FARP2: variants seen among roughly 807,000 people sequenced by gnomAD.
FARP2 encodes the protein FERM, ARHGEF and pleckstrin domain-containing protein 2.
FARP2 carries 111 observed loss-of-function variants against 130.5 expected under a neutral mutation model. That is an observed-to-expected ratio of 0.85 (90% CI 0.73 to 1.00). The LOEUF is 1.00. Ranked by LOEUF, FARP2 falls within the 50% of genes least tolerant of loss-of-function variation. The probability of loss-of-function intolerance (pLI) is 0.00; values close to 1 mark genes in which losing one functional copy is unlikely to be tolerated. For synonymous variants in FARP2, 504 were observed against 516.9 expected, an observed-to-expected ratio of 0.98 and a Z score of 0.34; for missense variants, 1,385 against 1,346.3, an observed-to-expected ratio of 1.03 and a Z score of -0.45.
At chr2:241,432,282 G>C (rs562784137) in intron 9 of FARP2, 1 of 152,664 alleles carries the variant, frequency 6.6e-6, no homozygotes, top group East Asian at 1.9e-4. Context: ...AGTCTGCCTA[G>C]CTGGTCTCAC....
chr2:241,373,348 G>A (rs2061464737), intron 2 of FARP2, 58 bp downstream of exon 2: 2 of 1,209,034 alleles, frequency 1.7e-6, no homozygotes, highest in Non-Finnish European at 1.1e-6. Context: ...GTCAAATTAT[G>A]TACCAAATTC....
At chr2:241,408,835 G>A (rs76824337) in intron 5 of FARP2, among the ~76,000 whole-genome samples, 13,659 of 152,114 alleles carry the variant, frequency 0.09, 629 homozygotes, top group Middle Eastern at 0.15. Context: ...ACACAAAATC[G>A]TAGAATGTCA....
intron 7 of FARP2, among the ~76,000 whole-genome samples, chr2:241,415,779 T>A (rs552778590): frequency 6.6e-6 from 1 of 152,274 alleles, no homozygotes; most frequent in South Asian, 2.1e-4. Context: ...GTGTGGAGAC[T>A]ACAGGCCTGG....
intron 2 of FARP2, among the ~76,000 whole-genome samples, chr2:241,378,429 T>TTTTTTTTTTTTG (rs1575474116): frequency 6.7e-6 from 1 of 149,564 alleles, no homozygotes; most frequent in East Asian, 2.0e-4. Flanking sequence ...TTTTTTTTTT[T>TTTTTTTTTTTTG]GAGTCAGGAT....
At chr2:241,394,464 G>A (rs2061981923) in intron 2 of FARP2, among the ~76,000 whole-genome samples, 4 of 150,302 alleles carry the variant, frequency 2.7e-5, no homozygotes, top group South Asian at 4.2e-4. Context: ...CTTGTAGTGA[G>A]CCGAGATCGC....
intron 18 of FARP2, among the ~76,000 whole-genome samples, chr2:241,472,102 T>C (rs1280500346): frequency 1.7e-5 from 1 of 59,674 alleles, no homozygotes; most frequent in East Asian, 3.7e-4. Flanking sequence ...TTCTGTTCTG[T>C]GGAGACCCTA....
At chr2:241,391,755 T>C (rs1055524185) in intron 2 of FARP2, among the ~76,000 whole-genome samples, 8 of 152,184 alleles carry the variant, frequency 5.3e-5, no homozygotes, top group African/African-American at 1.9e-4. Context: ...CACTGTGGAT[T>C]TGGCTTTTTT....
intron 8 of FARP2, among the ~76,000 whole-genome samples, chr2:241,429,840 C>G (rs1157518327): frequency 2.0e-5 from 3 of 152,292 alleles, no homozygotes; most frequent in Admixed American, 6.5e-5. Flanking sequence ...CCCAGCTGCT[C>G]CAGAGGCTGA....
intron 15 of FARP2, 75 bp downstream of exon 15, chr2:241,462,687 T>C: frequency 1.0e-6 from 1 of 963,750 alleles, no homozygotes; most frequent in Non-Finnish European, 1.6e-6. Context: ...ATATCTCTTT[T>C]TTTTCTTTTT....
At chr2:241,440,194 T>C (rs1020995488) in intron 12 of FARP2, among the ~76,000 whole-genome samples, 5 of 152,234 alleles carry the variant, frequency 3.3e-5, no homozygotes, top group African/African-American at 9.6e-5. Flanking sequence ...TGCATGTGTA[T>C]ATTGCCTGTG....
chr2:241,458,888 C>T (rs1413422942), intron 14 of FARP2, among the ~76,000 whole-genome samples: 1 of 152,224 alleles, frequency 6.6e-6, no homozygotes, highest in Admixed American at 6.5e-5. Context: ...TGGCAAGGCC[C>T]TCTGGGATGG....
chr2:241,460,683 A>C (rs1462438798), intron 14 of FARP2, among the ~76,000 whole-genome samples: 1 of 144,956 alleles, frequency 6.9e-6, no homozygotes, highest in Non-Finnish European at 1.5e-5. Flanking sequence ...TGAAGCTCAA[A>C]AAGAAAAAAT....
At chr2:241,413,445 A>T in intron 7 of FARP2, 24 bp downstream of exon 7, 1 of 1,459,740 alleles carries the variant, frequency 6.9e-7, no homozygotes, top group East Asian at 2.3e-5. Context: ...ATTGTCTGTC[A>T]ACACATTGTC....
intron 2 of FARP2, among the ~76,000 whole-genome samples, chr2:241,385,275 A>G (rs1019001448): frequency 2.6e-5 from 4 of 152,306 alleles, no homozygotes; most frequent in Non-Finnish European, 5.9e-5. Context: ...TTTCCTCAGT[A>G]AAGAAATTGA....
intron 12 of FARP2, among the ~76,000 whole-genome samples, chr2:241,438,642 T>G (rs139160162): frequency 0.089 from 13,476 of 150,774 alleles, 628 homozygotes; most frequent in Middle Eastern, 0.15. Context: ...TTGTTTTTTT[T>G]TTTTTGAGAC....
At chr2:241,426,560 C>T (rs947912372) in intron 8 of FARP2, among the ~76,000 whole-genome samples, 28 of 151,988 alleles carry the variant, frequency 1.8e-4, no homozygotes, top group Admixed American at 6.6e-5. Flanking sequence ...TTCAGAAATA[C>T]GGGTGAATGA....
chr2:241,455,594 C>G (rs986769665), intron 13 of FARP2, among the ~76,000 whole-genome samples: 2 of 150,694 alleles, frequency 1.3e-5, no homozygotes, highest in Admixed American at 6.6e-5. Flanking sequence ...GTTGGCCAGG[C>G]TGGTCTCTAA....
At chr2:241,430,076 T>C (rs1334368811) in intron 8 of FARP2, among the ~76,000 whole-genome samples, 1 of 152,214 alleles carries the variant, frequency 6.6e-6, no homozygotes, top group Non-Finnish European at 1.5e-5. Flanking sequence ...AAGAGTTTTC[T>C]CTCCATTTAT....
rs2062505998 is a variant in FARP2, at chr2:241,411,095, C to G, written c.473C>G (p.Thr158Ser). ...LLEERLTCAD[T>S]TAALLTSHLL... Reference sequence around the variant, plus strand: ...GAAGAGCGTTTGACCTGTGCTGACACCACAGCGGCCCTTCTCACGTCCCAT... The same window carrying G: ...GAAGAGCGTTTGACCTGTGCTGACAGCACAGCGGCCCTTCTCACGTCCCAT... Residue 158 changes from threonine (T) to serine (S), a missense_variant, in exon 6 of 27, where the codon ACC becomes AGC. By Grantham distance (58) the Thr-to-Ser change is moderately conservative. Coordinates refer to ENST00000264042, the MANE Select transcript of FARP2 (RefSeq NM_014808.4). The G allele has an allele frequency of 6.2e-7, 1 of 1,611,942 alleles. No individual in the cohort carries two copies. The highest frequency in any genetic ancestry group is 8.5e-7 in the Non-Finnish European group (1 of 1,178,932).
Sources: allele counts gnomAD v4.1 joint callset (sites outside exome capture counted in the v4.1 genomes callset), GRCh38; gene constraint gnomAD v4.1.1; transcripts MANE v1.5; gene names NCBI Gene and HGNC (gene_info 2026-07-23, HGNC 2026-07-21).